PTPRR: variants seen among roughly 807,000 people sequenced by gnomAD.
The protein encoded by PTPRR is protein tyrosine phosphatase receptor type R, also known as receptor-type tyrosine-protein phosphatase R.
Under a neutral mutation model 77.2 loss-of-function variants are expected in PTPRR, and 38 were observed. The ratio of observed to expected loss-of-function variants is 0.49; its 90% CI spans 0.38 to 0.65. The LOEUF (loss-of-function observed/expected upper bound fraction) is 0.65. PTPRR is among the 30% of genes least tolerant of loss of function. The pLI is 0.00. For missense variants in PTPRR, 744 were observed against 799.2 expected (o/e 0.93, Z 0.83); for synonymous variants, 299 against 283.1 (o/e 1.06, Z -0.57).
chr12:70,808,346 C>G (rs1891748298), intron 2 of PTPRR, among the ~76,000 whole-genome samples: 1 of 152,070 alleles, frequency 6.6e-6, no homozygotes, highest in Non-Finnish European at 1.5e-5. Flanking sequence ...GCTCATCTGC[C>G]TTGTGATCTT....
At chr12:70,832,023 C>G (rs1007485448) in intron 2 of PTPRR, among the ~76,000 whole-genome samples, 1 of 152,188 alleles carries the variant, frequency 6.6e-6, no homozygotes, top group African/African-American at 2.4e-5. Flanking sequence ...ATAGATATAA[C>G]TTTATCATAG....
intron 6 of PTPRR, among the ~76,000 whole-genome samples, chr12:70,736,690 T>C (rs1889873674): frequency 6.6e-6 from 1 of 152,232 alleles, no homozygotes; most frequent in Non-Finnish European, 1.5e-5. Flanking sequence ...ATTGATGTTA[T>C]TTGGAGTTAA....
intron 1 of PTPRR, among the ~76,000 whole-genome samples, chr12:70,907,602 T>G (rs995547440): frequency 2.0e-5 from 3 of 152,212 alleles, no homozygotes; most frequent in Admixed American, 6.5e-5. Flanking sequence ...TATTTTTCAT[T>G]TGATAAATAT....
chr12:70,840,690 G>C (rs907097708), intron 2 of PTPRR, among the ~76,000 whole-genome samples: 23 of 152,246 alleles, frequency 1.5e-4, no homozygotes, highest in African/African-American at 5.3e-4. Context: ...TCTTAAGAAA[G>C]CCATAGAACA....
At chr12:70,771,987 A>C (rs1315865916) in intron 2 of PTPRR, among the ~76,000 whole-genome samples, 1 of 152,174 alleles carries the variant, frequency 6.6e-6, no homozygotes, top group Non-Finnish European at 1.5e-5. Context: ...TAAATATTAA[A>C]GAATTCCTAA....
intron 2 of PTPRR, among the ~76,000 whole-genome samples, chr12:70,889,748 C>A (rs1187098124): frequency 6.6e-6 from 1 of 151,972 alleles, no homozygotes; most frequent in Non-Finnish European, 1.5e-5. Flanking sequence ...TTTTTCCCTT[C>A]TTTCCTTGCC....
intron 6 of PTPRR, among the ~76,000 whole-genome samples, chr12:70,738,744 G>A (rs571861676): frequency 6.6e-6 from 1 of 152,238 alleles, no homozygotes; most frequent in South Asian, 2.1e-4. Context: ...ATTTTGGGAG[G>A]GCAAGGATGG....
chr12:70,812,397 A>G (rs1214825721), intron 2 of PTPRR, among the ~76,000 whole-genome samples: 1 of 152,170 alleles, frequency 6.6e-6, no homozygotes, highest in Admixed American at 6.5e-5. Flanking sequence ...AAACATTAAC[A>G]CTGATTTACT....
intron 6 of PTPRR, among the ~76,000 whole-genome samples, chr12:70,736,965 C>T (rs1224336262): frequency 6.6e-6 from 1 of 152,180 alleles, no homozygotes; most frequent in Admixed American, 6.5e-5. Context: ...ACCCAGGTCG[C>T]CTTTCTCCAG....
At chr12:70,710,405 A>T (rs1425130413) in intron 6 of PTPRR, among the ~76,000 whole-genome samples, 1 of 152,188 alleles carries the variant, frequency 6.6e-6, no homozygotes, top group African/African-American at 2.4e-5. Flanking sequence ...TTAACTCAAG[A>T]TGGCTTAAAC....
chr12:70,670,253 C>T (rs781438673), intron 10 of PTPRR, among the ~76,000 whole-genome samples: 2 of 152,194 alleles, frequency 1.3e-5, no homozygotes, highest in Non-Finnish European at 2.9e-5. Flanking sequence ...AAGATAGGTT[C>T]AGGGTCTTAT....
Position 70,764,815 on chromosome 12 carries a change from T to C in PTPRR, c.358-37A>G, listed in dbSNP as rs958285784. 18 of 1,388,952 alleles carry C rather than the reference T, an allele frequency of 1.3e-5. 1 individual carries two copies. In the Admixed American group the frequency reaches 3.0e-4, roughly 23 times the overall value. The allele number at this position is 1,388,952 out of a possible 1,614,324, so 86.0% of individuals were successfully genotyped here. A position where few individuals can be genotyped will look rare whatever the true frequency, so the allele number is the denominator to read the frequency against. On this transcript the variant is annotated intron_variant, in intron 2 of 13. Transcript: ENST00000283228. ...GGACAAAAATAAATCCAAATTATAG[T>C]ATTAATTTGTATAGATGTATAGAAT...
chr12:70,869,422 T>A (rs1892922829), intron 2 of PTPRR, among the ~76,000 whole-genome samples: 1 of 152,092 alleles, frequency 6.6e-6, no homozygotes, highest in African/African-American at 2.4e-5. Flanking sequence ...GATGGAGCTG[T>A]CCTGAGTTGC....
chr12:70,701,359 A>T, intron 6 of PTPRR, 36 bp from the exon 7 acceptor site: 1 of 1,580,560 alleles, frequency 6.3e-7, no homozygotes, highest in African/African-American at 1.3e-5. Context: ...TAAACACCAC[A>T]TACTTATTTT....
intron 2 of PTPRR, among the ~76,000 whole-genome samples, chr12:70,789,879 C>T (rs764910700): frequency 1.3e-4 from 19 of 151,912 alleles, no homozygotes; most frequent in Non-Finnish European, 2.4e-4. Context: ...CCAGTAATTC[C>T]CCATCTGCAA....
At chr12:70,713,410 C>T (rs1888902798) in intron 6 of PTPRR, among the ~76,000 whole-genome samples, 1 of 152,072 alleles carries the variant, frequency 6.6e-6, no homozygotes, top group African/African-American at 2.4e-5. Context: ...TGGGTATACA[C>T]CTAGGAATGG....
chr12:70,868,746 A>C (rs1892906011), intron 2 of PTPRR, among the ~76,000 whole-genome samples: 1 of 152,124 alleles, frequency 6.6e-6, no homozygotes, highest in South Asian at 2.1e-4. Flanking sequence ...ATGTATGTTG[A>C]TTGCAGCACT....
At chr12:70,648,696 A>G (rs551153509) in intron 13 of PTPRR, among the ~76,000 whole-genome samples, 31 of 152,286 alleles carry the variant, frequency 2.0e-4, no homozygotes, top group African/African-American at 7.0e-4. Context: ...CATCTAGTCC[A>G]GAGATGTCCG....
intron 2 of PTPRR, among the ~76,000 whole-genome samples, chr12:70,804,139 CTGTGTGTGTG>C (rs58442488): frequency 2.9e-4 from 40 of 137,336 alleles, no homozygotes; most frequent in African/African-American, 7.4e-4. Flanking sequence ...GTTCCTGGCT[CTGTGTGTGTG>C]TGTGTGTGTG....
Sources: allele counts gnomAD v4.1 joint callset (sites outside exome capture counted in the v4.1 genomes callset), GRCh38; gene constraint gnomAD v4.1.1; transcripts MANE v1.5; gene names NCBI Gene and HGNC (gene_info 2026-07-23, HGNC 2026-07-21).